ASPH: variants seen among roughly 807,000 people sequenced by gnomAD.
ASPH encodes the protein aspartyl/asparaginyl beta-hydroxylase.
ASPH carries 100 observed loss-of-function variants against 118.4 expected under a neutral mutation model. The ratio of observed to expected loss-of-function variants is 0.84; its 90% CI spans 0.72 to 1.00. The LOEUF is 1.00. ASPH is among the 50% of genes least tolerant of loss of function. The probability of loss-of-function intolerance (pLI) is 0.00; values close to 1 mark genes in which losing one functional copy is unlikely to be tolerated. For missense variants in ASPH, 920 were observed against 919.5 expected, an observed-to-expected ratio of 1.00 and a Z score of -0.01; for synonymous variants, 315 against 325.6, an observed-to-expected ratio of 0.97 and a Z score of 0.35.
At chr8:61,572,237 C>A (rs1297341415) in intron 16 of ASPH, among the ~76,000 whole-genome samples, 1 of 152,138 alleles carries the variant, frequency 6.6e-6, no homozygotes, top group Non-Finnish European at 1.5e-5. Context: ...GGGGTGCTGT[C>A]AGCATCTCCT....
chr8:61,574,099 G>A (rs2132016043), intron 16 of ASPH, among the ~76,000 whole-genome samples: 1 of 152,280 alleles, frequency 6.6e-6, no homozygotes, highest in African/African-American at 2.4e-5. Context: ...GTGAAATAAA[G>A]CTCATCATCA....
At chr8:61,607,512 C>T (rs1845944699) in intron 14 of ASPH, among the ~76,000 whole-genome samples, 1 of 151,798 alleles carries the variant, frequency 6.6e-6, no homozygotes, top group Non-Finnish European at 1.5e-5. Context: ...TATATATTCA[C>T]CTTAAGTGGT....
intron 1 of ASPH, among the ~76,000 whole-genome samples, chr8:61,688,326 CAT>C (rs1831374426): frequency 6.6e-6 from 1 of 152,132 alleles, no homozygotes; most frequent in African/African-American, 2.4e-5. Flanking sequence ...CATTTTTTCC[CAT>C]GTTATTCCAT....
At chr8:61,617,519 T>G (rs1849450597) in intron 14 of ASPH, among the ~76,000 whole-genome samples, 1 of 152,148 alleles carries the variant, frequency 6.6e-6, no homozygotes, top group Admixed American at 6.5e-5. Flanking sequence ...TGTGAGAGTA[T>G]GATGATCGAG....
intron 1 of ASPH, among the ~76,000 whole-genome samples, chr8:61,691,493 C>G (rs1033480181): frequency 2.0e-5 from 3 of 152,130 alleles, no homozygotes; most frequent in Non-Finnish European, 4.4e-5. Context: ...TTAAGGTGAC[C>G]CACCATTTCG....
intron 3 of ASPH, among the ~76,000 whole-genome samples, chr8:61,654,047 TTC>T (rs1158513565): frequency 6.6e-6 from 1 of 152,198 alleles, no homozygotes; most frequent in African/African-American, 2.4e-5. Context: ...CACTTGAATT[TTC>T]TGTTATTCAG....
intron 8 of ASPH, 139 bp downstream of exon 8, chr8:61,643,806 C>T (rs1031517653): frequency 1.1e-5 from 8 of 725,114 alleles, no homozygotes; most frequent in Non-Finnish European, 1.9e-5. Context: ...TTTCTATAAA[C>T]ATCTGACCAA....
intron 3 of ASPH, chr8:61,664,440 T>C (rs1354149078): frequency 4.1e-6 from 4 of 982,786 alleles, no homozygotes; most frequent in Non-Finnish European, 4.8e-6. Flanking sequence ...TCTGAAACTG[T>C]TCTTCTAAAT....
At chr8:61,512,513 C>T (rs1412067613) in intron 24 of ASPH, among the ~76,000 whole-genome samples, 1 of 152,194 alleles carries the variant, frequency 6.6e-6, no homozygotes, top group Non-Finnish European at 1.5e-5. Context: ...CCAGAAGGAA[C>T]AACCCTGCCA....
At chr8:61,600,269 C>G (rs1843598149) in intron 14 of ASPH, among the ~76,000 whole-genome samples, 1 of 152,186 alleles carries the variant, frequency 6.6e-6, no homozygotes, top group Admixed American at 6.5e-5. Context: ...CCACAGCTAA[C>G]ATCACAGTGA....
At chr8:61,551,105 A>G (rs927986315) in intron 20 of ASPH, among the ~76,000 whole-genome samples, 2 of 152,190 alleles carry the variant, frequency 1.3e-5, no homozygotes, top group Admixed American at 6.5e-5. Flanking sequence ...GGAGAAGGAG[A>G]CTAAATCTAG....
chr8:61,658,419 G>GA (rs1228908547), intron 3 of ASPH: 1 of 152,214 alleles, frequency 6.6e-6, no homozygotes, highest in Non-Finnish European at 1.5e-5. Flanking sequence ...AAAGACTGGT[G>GA]AGAGTGGACT....
intron 2 of ASPH, among the ~76,000 whole-genome samples, chr8:61,682,873 A>C (rs900243684): frequency 6.6e-6 from 1 of 152,094 alleles, no homozygotes; most frequent in Non-Finnish European, 1.5e-5. Flanking sequence ...ACAAGTGTGC[A>C]TTTTTTCCAG....
intron 3 of ASPH, chr8:61,675,456 C>G (rs764907961): frequency 2.2e-4 from 219 of 984,294 alleles, no homozygotes; most frequent in Non-Finnish European, 2.6e-4. Flanking sequence ...TTAACTTACT[C>G]TAAGGCAAAA....
chr8:61,670,875 C>G (rs1033004300), intron 3 of ASPH, among the ~76,000 whole-genome samples: 9 of 151,786 alleles, frequency 5.9e-5, no homozygotes, highest in Admixed American at 4.6e-4. Context: ...ACTAGATTAT[C>G]TTAGGAAAGC....
At chr8:61,661,844 T>C (rs1817073039) in intron 3 of ASPH, 1 of 407,946 alleles carries the variant, frequency 2.5e-6, no homozygotes, top group South Asian at 8.9e-5. Flanking sequence ...AATTCAAGTG[T>C]TCATGCTGAT....
At chr8:61,679,167 A>T (rs544243562) in intron 3 of ASPH, among the ~76,000 whole-genome samples, 20 of 152,284 alleles carry the variant, frequency 1.3e-4, no homozygotes, top group African/African-American at 4.8e-4. Context: ...TGAAGCCACA[A>T]GCCAACTGCA....
chr8:61,621,486 T>C (rs1463280925), intron 13 of ASPH, among the ~76,000 whole-genome samples: 1 of 152,216 alleles, frequency 6.6e-6, no homozygotes, highest in Non-Finnish European at 1.5e-5. Flanking sequence ...AAGTGATACT[T>C]TGCTTTATTC....
At chr8:61,611,527 A>G (rs571548068) in intron 14 of ASPH, among the ~76,000 whole-genome samples, 1 of 152,350 alleles carries the variant, frequency 6.6e-6, no homozygotes, top group South Asian at 2.1e-4. Flanking sequence ...CTCCGGAAAG[A>G]GCAGCTTCTG....
Sources: allele counts gnomAD v4.1 joint callset (sites outside exome capture counted in the v4.1 genomes callset), GRCh38; gene constraint gnomAD v4.1.1; transcripts MANE v1.5; gene names NCBI Gene and HGNC (gene_info 2026-07-23, HGNC 2026-07-21).